SPDYE4: variants seen among roughly 807,000 people sequenced by gnomAD.
SPDYE4 encodes speedy/RINGO cell cycle regulator family member E4.
SPDYE4 carries 30 observed loss-of-function variants against 37.5 expected under a neutral mutation model. That is an observed-to-expected ratio of 0.80 (90% CI 0.60 to 1.09). The LOEUF is 1.09. SPDYE4 is among the 50% of genes least tolerant of loss of function. The pLI is 0.00. For synonymous variants in SPDYE4, 131 were observed against 120.3 expected (o/e 1.09, Z -0.58); for missense variants, 300 against 307.9 (o/e 0.97, Z 0.19).
chr17:8,756,574 G>A, intron 2 of SPDYE4, 138 bp from the exon 3 acceptor site: 1 of 776,772 alleles, frequency 1.3e-6, no homozygotes, highest in African/African-American at 1.7e-5. Flanking sequence ...GGAGAGGAGA[G>A]AAGGACTTTC....
intron 4 of SPDYE4, among the ~76,000 whole-genome samples, chr17:8,754,217 T>G (rs1348375459): frequency 6.6e-6 from 1 of 152,240 alleles, no homozygotes; most frequent in Non-Finnish European, 1.5e-5. Context: ...AAATGCCATA[T>G]GAATTATTCC....
chr17:8,753,417 C>T lies in SPDYE4; in HGVS notation c.558G>A (p.Lys186=). 6.2e-7 allele frequency: 1 copy of T among 1,607,070 alleles called. No homozygotes were observed. The highest frequency in any genetic ancestry group is 8.5e-7 in the Non-Finnish European group (1 of 1,176,614). ...GGAACAAGGGTCGCTGGGAGTAGTT[C>T]TTCCCGTAGAGGAAGGAGAAGATGT... ...KQDIFSFLYG[K]NYSQRPLFHK... is the part of the protein sequence containing the mutation. Residue 186 remains lysine (K), a synonymous_variant, in exon 5 of 7, where the codon AAG becomes AAA. Transcript: ENST00000689094.
rs201318763 is a variant in SPDYE4, at chr17:8,755,541, C to T, written c.464G>A (p.Arg155His). Residue 155 changes from arginine (R) to histidine (H), a missense_variant, in exon 4 of 7, where the codon CGC becomes CAC. Transcript: ENST00000689094. ...TCACAGAGCCAGGAAGAAATGAATG[C>T]GTTGGTATTGCCACGAGAAGAGGCC... ...RAGLFSWQYQ[R>H]IHFFLALYLA... The T allele has an allele frequency of 1.3e-4, 212 of 1,611,574 alleles. 3 individuals are homozygous for T. Among genetic ancestry groups the T allele is most frequent in the Non-Finnish European group, 1.6e-4 (193 of 1,179,488 alleles).
intron 1 of SPDYE4, 42 bp from the exon 2 acceptor site, chr17:8,757,534 T>C: frequency 1.3e-6 from 2 of 1,596,140 alleles, no homozygotes; most frequent in Non-Finnish European, 8.5e-7. Context: ...TTTCTGCCAT[T>C]GATCACCTTA....
At chr17:8,747,986 C>CAAG (rs2086701992), downstream of SPDYE4, among the ~76,000 whole-genome samples, 1 of 152,142 alleles carries the variant, frequency 6.6e-6, no homozygotes, top group African/African-American at 2.4e-5. Flanking sequence ...GAAAGGGAAG[C>CAAG]AAGAGTGGAA....
At chr17:8,750,410 A>T (rs1001367619), downstream of SPDYE4, among the ~76,000 whole-genome samples, 17 of 151,496 alleles carry the variant, frequency 1.1e-4, no homozygotes, top group Admixed American at 3.3e-4. Flanking sequence ...ATAAATAAAT[A>T]AAATAAAATA....
chr17:8,757,980 A>C (rs2086788510), intron 1 of SPDYE4, among the ~76,000 whole-genome samples: 2 of 152,032 alleles, frequency 1.3e-5, no homozygotes, highest in African/African-American at 4.8e-5. Flanking sequence ...ACAGGGTTTC[A>C]TCGTGTTAAC....
At chr17:8,757,030 C>G (rs1342149718) in intron 2 of SPDYE4, among the ~76,000 whole-genome samples, 1 of 152,028 alleles carries the variant, frequency 6.6e-6, no homozygotes, top group African/African-American at 2.4e-5. Flanking sequence ...CCCAAAGCAC[C>G]AAGATCTCAG....
chr17:8,750,830 G>T (rs942889163), downstream of SPDYE4, among the ~76,000 whole-genome samples: 1 of 152,232 alleles, frequency 6.6e-6, no homozygotes, highest in African/African-American at 2.4e-5. Context: ...AAGCAATCCA[G>T]ACCAATATGG....
Position 8,756,414 on chromosome 17 carries a change from G to C in SPDYE4, c.363C>G (p.Phe121Leu), listed in dbSNP as rs1159969220. ...CCCTCAGGTCTTTGTCCCAGGCCAG[G>C]AATTTTTGAACGACAGGATCCCCTG... ...RLLGDPVVQK[F>L]LAWDKDLRVS... is the part of the protein sequence containing the mutation. The change falls in exon 3 of 7, where the codon TTC becomes TTG. Residue 121 changes from phenylalanine to leucine, a missense_variant. Coordinates refer to ENST00000689094, the MANE Select transcript of SPDYE4 (RefSeq NM_001394956.1). 1.2e-6 allele frequency: 2 copies of C among 1,613,922 alleles called. No homozygotes were observed. Among genetic ancestry groups the C allele is most frequent in the East Asian group, 2.2e-5 (1 of 44,890 alleles).
At chr17:8,757,591 C>G (rs1217226627) in intron 1 of SPDYE4, 99 bp from the exon 2 acceptor site, 2 of 1,236,122 alleles carry the variant, frequency 1.6e-6, no homozygotes, top group Non-Finnish European at 2.2e-6. Flanking sequence ...TCCTCCCAAG[C>G]CTCGCAGACT....
downstream of SPDYE4, among the ~76,000 whole-genome samples, chr17:8,749,677 G>C (rs2086714353): frequency 6.6e-6 from 1 of 152,188 alleles, no homozygotes; most frequent in South Asian, 2.1e-4. Flanking sequence ...GAAATGACAG[G>C]CATGAGCCAC....
chr17:8,749,817 TCTTA>T (rs1354175146), downstream of SPDYE4, among the ~76,000 whole-genome samples: 4 of 152,308 alleles, frequency 2.6e-5, no homozygotes, highest in African/African-American at 9.6e-5. Flanking sequence ...TCCTCCCAGA[TCTTA>T]CTTGCCTCAT....
chr17:8,747,569 A>G (rs2086697934), downstream of SPDYE4, among the ~76,000 whole-genome samples: 1 of 152,236 alleles, frequency 6.6e-6, no homozygotes, highest in South Asian at 2.1e-4. Flanking sequence ...GGGAAATTAA[A>G]TGTTCAATGT....
At chr17:8,755,851 G>A (rs75638478) in intron 3 of SPDYE4, among the ~76,000 whole-genome samples, 382 of 152,238 alleles carry the variant, frequency 2.5e-3, no homozygotes, top group African/African-American at 8.9e-3. Flanking sequence ...GGGATCACTG[G>A]AGGGAGAGTG....
intron 3 of SPDYE4, 143 bp from the exon 4 acceptor site, chr17:8,755,748 G>A: frequency 9.0e-7 from 1 of 1,113,966 alleles, no homozygotes; most frequent in East Asian, 2.4e-5. Context: ...GCTCATTGGG[G>A]GCTTGCGGGT....
Position 8,751,911 on chromosome 17 carries a change from G to A in SPDYE4, c.*371C>T, listed in dbSNP as rs973586276. 1.3e-5 allele frequency among the ~76,000 whole-genome samples: 2 copies of A among 152,164 alleles called. No homozygotes were observed. Among genetic ancestry groups the A allele is most frequent in the African/African-American group, 4.8e-5 (2 of 41,422 alleles). On this transcript the variant is annotated 3_prime_UTR_variant, in exon 7 of 7. Coordinates refer to ENST00000689094, the MANE Select transcript of SPDYE4 (RefSeq NM_001394956.1). ...GCTGTGCCTTCAAATGCTCTGGACTGTGGCAACCAAGTCCATAGGAAACAG... is the reference window on the plus strand; with the variant it reads ...GCTGTGCCTTCAAATGCTCTGGACTATGGCAACCAAGTCCATAGGAAACAG...
At position 8,750,896 on chromosome 17, in the gene SPDYE4, C is replaced by T. The variant is rs1029954061; in HGVS notation, c.*1386G>A. ...ATCTTTATTGCATTTTCCCAGGTAG[C>T]GCAGTGCACTGTCCTCTTTGAAACA... On this transcript the variant is annotated 3_prime_UTR_variant, in exon 7 of 7. Transcript: ENST00000689094. 6.6e-6 allele frequency among the ~76,000 whole-genome samples: 1 copy of T among 152,174 alleles called. No homozygotes were observed. The highest frequency in any genetic ancestry group is 2.4e-5 in the African/African-American group (1 of 41,430).
In SPDYE4 at chr17:8,758,442, C is replaced by G. The variant is rs1027406255; in HGVS notation, c.-60G>C. 2.7e-6 allele frequency: 4 copies of G among 1,475,244 alleles called. No individual in the cohort carries two copies. Among genetic ancestry groups the G allele is most frequent in the Non-Finnish European group, 3.7e-6 (4 of 1,077,346 alleles). The allele number at this position is 1,475,244 out of a possible 1,614,324, so 91.4% of individuals were successfully genotyped here. ...ACCTAGTCCCTGTTCTGTCCAAAGC[C>G]TTCTTCCAGACTCCGTTAGGACCCA... On this transcript the variant is annotated 5_prime_UTR_variant, in exon 1 of 7. Transcript: ENST00000689094.
Sources: allele counts gnomAD v4.1 joint callset (sites outside exome capture counted in the v4.1 genomes callset), GRCh38; gene constraint gnomAD v4.1.1; transcripts MANE v1.5; gene names NCBI Gene and HGNC (gene_info 2026-07-23, HGNC 2026-07-21).